The following PRPSAP2 variants were observed in gnomAD, a reference collection of about 807,000 sequenced individuals.
The protein encoded by PRPSAP2 is phosphoribosyl pyrophosphate synthase-associated protein 2.
In PRPSAP2, 24 loss-of-function variants were observed where a neutral mutation model predicts 40.6. That is an observed-to-expected ratio of 0.59 (90% CI 0.43 to 0.83). The LOEUF (loss-of-function observed/expected upper bound fraction) is 0.83. PRPSAP2 is among the 40% of genes least tolerant of loss of function. PRPSAP2 has a pLI of 0.00. For missense variants in PRPSAP2, 292 were observed against 465.6 expected (o/e 0.63, Z 3.43); for synonymous variants, 149 against 164.7 (o/e 0.90, Z 0.73).
At chr17:18,909,972 A>G (rs1218105124) in intron 8 of PRPSAP2, among the ~76,000 whole-genome samples, 1 of 152,222 alleles carries the variant, frequency 6.6e-6, no homozygotes, top group Non-Finnish European at 1.5e-5. Context: ...GCTTTGTGAC[A>G]GCCAAAAACT....
chr17:18,910,568 C>G (rs2040898691), intron 8 of PRPSAP2, among the ~76,000 whole-genome samples: 1 of 152,090 alleles, frequency 6.6e-6, no homozygotes, highest in Non-Finnish European at 1.5e-5. Flanking sequence ...TAAGGAGATG[C>G]TTGTGGTGAT....
chr17:18,857,293 C>T (rs964518175), upstream of PRPSAP2, among the ~76,000 whole-genome samples: 1 of 151,884 alleles, frequency 6.6e-6, no homozygotes, highest in Admixed American at 6.6e-5. Context: ...TGAGATCGCG[C>T]CGATGCACTC....
At chr17:18,878,293 G>A (rs1488899122) in intron 6 of PRPSAP2, among the ~76,000 whole-genome samples, 2 of 152,258 alleles carry the variant, frequency 1.3e-5, no homozygotes, top group East Asian at 3.9e-4. Flanking sequence ...CAATGCTTTG[G>A]GAAGCTATGT....
chr17:18,884,932 ACCT>A (rs2039020697), intron 7 of PRPSAP2, among the ~76,000 whole-genome samples: 1 of 152,128 alleles, frequency 6.6e-6, no homozygotes, highest in Non-Finnish European at 1.5e-5. Flanking sequence ...TGGCAATTGC[ACCT>A]CTTAAGGGAT....
At chr17:18,877,227 G>A (rs2038362924) in intron 5 of PRPSAP2, among the ~76,000 whole-genome samples, 4 of 152,176 alleles carry the variant, frequency 2.6e-5, no homozygotes. Flanking sequence ...AGATAAATTG[G>A]AGATAGTGTA....
At chr17:18,902,918 C>T in intron 8 of PRPSAP2, among the ~76,000 whole-genome samples, 1 of 148,842 alleles carries the variant, frequency 6.7e-6, no homozygotes, top group African/African-American at 2.5e-5. Context: ...CCCCTCCACT[C>T]AGTCTTTACC....
chr17:18,876,147 CA>C (rs1253470070), intron 5 of PRPSAP2, among the ~76,000 whole-genome samples: 5 of 151,982 alleles, frequency 3.3e-5, no homozygotes, highest in African/African-American at 1.2e-4. Flanking sequence ...AACAAACAAA[CA>C]AAAAAATGAT....
chr17:18,871,028 T>C (rs983258848), intron 4 of PRPSAP2, among the ~76,000 whole-genome samples: 1 of 152,014 alleles, frequency 6.6e-6, no homozygotes, highest in African/African-American at 2.4e-5. Context: ...CTTTTATTTT[T>C]TATTTTTTTG....
At chr17:18,875,530 A>G (rs1448123730) in intron 5 of PRPSAP2, among the ~76,000 whole-genome samples, 1 of 151,726 alleles carries the variant, frequency 6.6e-6, no homozygotes, top group African/African-American at 2.4e-5. Context: ...ACGCCACTGG[A>G]TTCCAGCCTG....
intron 8 of PRPSAP2, among the ~76,000 whole-genome samples, chr17:18,902,607 C>T (rs554940343): frequency 2.4e-4 from 37 of 152,244 alleles, no homozygotes; most frequent in Middle Eastern, 3.4e-3. Context: ...TGCGGTGTCA[C>T]ACCTGTAATC....
In PRPSAP2 at chr17:18,877,771, A is replaced by G. The variant is rs2038409955; in HGVS notation, c.313A>G (p.Ile105Val). Residue 105 changes from isoleucine to valine, a missense_variant, in exon 6 of 12, where the codon ATT becomes GTT. Coordinates refer to ENST00000268835, the MANE Select transcript of PRPSAP2 (RefSeq NM_002767.4). ...TAAGACCTCTTGTGCCAAGAGCATC[A>G]TTGGCGTGATACCCTACTTTCCTTA... ...ACKTSCAKSIIGVIPYFPYSK... is the reference protein window; with the variant it reads ...ACKTSCAKSIVGVIPYFPYSK... 2.5e-6 allele frequency: 4 copies of G among 1,613,582 alleles called. No homozygotes were observed. The highest frequency in any genetic ancestry group is 1.3e-5 in the African/African-American group (1 of 74,874).
At chr17:18,912,714 A>C (rs2041040764) in intron 9 of PRPSAP2, among the ~76,000 whole-genome samples, 1 of 152,214 alleles carries the variant, frequency 6.6e-6, no homozygotes, top group African/African-American at 2.4e-5. Flanking sequence ...GGTGGGACAG[A>C]CATTGGATAG....
At chr17:18,868,245 G>A (rs1483306616) in intron 4 of PRPSAP2, among the ~76,000 whole-genome samples, 1 of 152,170 alleles carries the variant, frequency 6.6e-6, no homozygotes, top group Non-Finnish European at 1.5e-5. Context: ...AGGCCGAGGT[G>A]GGCGGATCAC....
At chr17:18,929,055 T>C in intron 11 of PRPSAP2, 98 bp downstream of exon 11, 1 of 1,498,898 alleles carries the variant, frequency 6.7e-7, no homozygotes, top group Non-Finnish European at 8.9e-7. Context: ...AGATCTTTTG[T>C]GGCTGAGAAA....
intron 5 of PRPSAP2, among the ~76,000 whole-genome samples, chr17:18,875,251 G>A (rs1243236260): frequency 2.0e-5 from 3 of 152,038 alleles, no homozygotes; most frequent in African/African-American, 7.2e-5. Flanking sequence ...TCTTCTTTGT[G>A]AAATACCATG....
At chr17:18,863,595 C>T (rs556282086) in intron 1 of PRPSAP2, among the ~76,000 whole-genome samples, 11 of 151,972 alleles carry the variant, frequency 7.2e-5, no homozygotes, top group Admixed American at 3.3e-4. Context: ...TGCAGTGGCG[C>T]GATCTTGGCT....
chr17:18,877,686 T>A lies in PRPSAP2; in HGVS notation c.240-12T>A. 1 of 1,596,344 alleles carries A rather than the reference T, an allele frequency of 6.3e-7. No homozygotes were observed. Among genetic ancestry groups the A allele is most frequent in the Non-Finnish European group, 8.5e-7 (1 of 1,173,094 alleles). On this transcript the variant is annotated splice_polypyrimidine_tract_variant and intron_variant, in intron 5 of 11. Transcript: ENST00000268835. ...AGATCCCTTGATGAGATTTGCTGTG[T>A]CTTTGTTACAGGGACGTGAACACCA...
chr17:18,864,340 C>G (rs2037273345), intron 1 of PRPSAP2, among the ~76,000 whole-genome samples: 1 of 151,464 alleles, frequency 6.6e-6, no homozygotes, highest in Non-Finnish European at 1.5e-5. Flanking sequence ...GTTGCCCAGG[C>G]TGGAGTACAG....
intron 8 of PRPSAP2, among the ~76,000 whole-genome samples, chr17:18,895,081 CTTTT>C (rs35066217): frequency 7.6e-6 from 1 of 131,140 alleles, no homozygotes; most frequent in Non-Finnish European, 1.6e-5. Flanking sequence ...TAGATGTGTA[CTTTT>C]TTTTTTTTTT....
Sources: gnomAD v4.1 joint callset for allele counts (sites outside exome capture counted in the v4.1 genomes callset) on GRCh38, gnomAD v4.1.1 for gene constraint, MANE v1.5 for transcripts, NCBI Gene and HGNC (gene_info 2026-07-23, HGNC 2026-07-21) for gene names.